The following PPP2R3B variants were observed in gnomAD, a reference collection of about 807,000 sequenced individuals.
PPP2R3B encodes serine/threonine-protein phosphatase 2A regulatory subunit B'' subunit beta.
Under a neutral mutation model 72.9 loss-of-function variants are expected in PPP2R3B, and 68 were observed. The observed-to-expected ratio is 0.93, with a 90% confidence interval of 0.77 to 1.14. PPP2R3B has a LOEUF of 1.14. PPP2R3B is among the 50% of genes most tolerant of loss of function. The pLI is 0.00. For missense variants in PPP2R3B, 1,018 were observed against 842.0 expected (o/e 1.21, Z -2.59); for synonymous variants, 466 against 375.8 (o/e 1.24, Z -2.78).
In PPP2R3B at chrX:386,643, C is replaced by T; in HGVS notation, c.49G>A (p.Glu17Lys). 1 of 1,421,928 alleles carries T rather than the reference C, an allele frequency of 7.0e-7. No individual in the cohort carries two copies. Among genetic ancestry groups the T allele is most frequent in the Non-Finnish European group, 9.2e-7 (1 of 1,087,928 alleles). 88.1% of individuals were successfully genotyped at this position (1,421,928 alleles called of 1,614,324 possible). A position where few individuals can be genotyped will look rare whatever the true frequency, so the allele number is the denominator to read the frequency against. The change falls in exon 1 of 13, where the codon GAG becomes AAG. Residue 17 changes from glutamate (E) to lysine (K), a missense_variant. By Grantham distance (56) the Glu-to-Lys change is moderately conservative (BLOSUM62 1). Transcript: ENST00000390665. ...LQPVLKMKVD[E>K]LFLYWLSEAS... is the part of the protein sequence containing the mutation. ...TCGCTGAGCCAGTACAGGAACAGCT[C>T]GTCCACCTTCATCTTCAGGACCGGC...
At chrX:364,549 CAA>C (rs1266748032) in intron 1 of PPP2R3B, among the ~76,000 whole-genome samples, 3 of 134,112 alleles carry the variant, frequency 2.2e-5, no homozygotes, top group Non-Finnish European at 5.0e-5. Context: ...AAACAAAAAA[CAA>C]AAAGAGTATA....
chrX:363,682 C>T (rs763880655), intron 1 of PPP2R3B, among the ~76,000 whole-genome samples: 33 of 146,108 alleles, frequency 2.3e-4, no homozygotes, highest in African/African-American at 7.9e-4. Flanking sequence ...TGCATCTCCC[C>T]AAGCCCGCGA....
intron 1 of PPP2R3B, among the ~76,000 whole-genome samples, chrX:363,637 C>T (rs2071608173): frequency 1.4e-5 from 2 of 142,046 alleles, no homozygotes; most frequent in Admixed American, 1.4e-4. Flanking sequence ...AGCCCACCAT[C>T]CCACAGTCAT....
chrX:379,597 G>A (rs1486955619), intron 1 of PPP2R3B, among the ~76,000 whole-genome samples: 1 of 152,258 alleles, frequency 6.6e-6, no homozygotes, highest in Non-Finnish European at 1.5e-5. Flanking sequence ...CACCAAAACT[G>A]AGTAGCTTCC....
intron 8 of PPP2R3B, 107 bp from the exon 9 acceptor site, chrX:341,503 G>A (rs753091433): frequency 2.1e-5 from 25 of 1,165,350 alleles, no homozygotes; most frequent in Non-Finnish European, 3.1e-5. Flanking sequence ...CCCGGGCCCG[G>A]CCCTCCTCCT....
At chrX:342,086 C>A (rs1342436689) in intron 7 of PPP2R3B, 155 bp from the exon 8 acceptor site, 1 of 808,960 alleles carries the variant, frequency 1.2e-6, no homozygotes, top group Non-Finnish European at 2.1e-6. Flanking sequence ...CTGCACGGCC[C>A]ATCCTAGGGG....
Position 334,041 on chromosome X carries a change from C to G in PPP2R3B, c.*326G>C, listed in dbSNP as rs2070815380. 7.6e-6 allele frequency: 2 copies of G among 262,004 alleles called. No homozygotes were observed. The highest frequency in any genetic ancestry group is 1.4e-5 in the Non-Finnish European group (2 of 139,538). The allele number at this position is 262,004 out of a possible 1,614,324, so 16.2% of individuals were successfully genotyped here. Reference sequence around the variant, plus strand: ...TGTCCAGGACTGAGGCGCCCGGGAGCCGCCGGTCACCGTTGTGCGCACACG... The same window carrying G: ...TGTCCAGGACTGAGGCGCCCGGGAGGCGCCGGTCACCGTTGTGCGCACACG... On this transcript the variant is annotated 3_prime_UTR_variant, in exon 13 of 13. Coordinates refer to ENST00000390665, the MANE Select transcript of PPP2R3B (RefSeq NM_013239.5).
rs1022098776 is a variant in PPP2R3B at position 350,353 on chromosome X, C to T, written c.511-2660G>A. On this transcript the variant is annotated intron_variant, in intron 2 of 12. Transcript: ENST00000390665. ...GCCAAGGTTTCTTTCACGGGCCACA[C>T]GTGCGCTCCCTGAAGGAAGGGAGCA... Among the ~76,000 whole-genome samples the T allele has an allele frequency of 3.3e-4, 50 of 152,326 alleles. 1 individual carries two copies. The highest frequency in any genetic ancestry group is 6.2e-4 in the South Asian group (3 of 4,820).
intron 1 of PPP2R3B, among the ~76,000 whole-genome samples, chrX:367,113 G>C (rs1025566168): frequency 6.6e-6 from 1 of 152,128 alleles, no homozygotes; most frequent in Non-Finnish European, 1.5e-5. Context: ...ACTCTACGGG[G>C]CAAAAGCTGA....
rs1163831748 is a variant in PPP2R3B at position 361,159 on chromosome X, G to T, written c.510+246C>A. On this transcript the variant is annotated intron_variant, in intron 2 of 12. Coordinates refer to ENST00000390665, the MANE Select transcript of PPP2R3B (RefSeq NM_013239.5). ...CAGCATCAGGATGAGAATGCAGACG[G>T]AATTCCCACTCGCATTTCAGATGCT... Among the ~76,000 whole-genome samples the T allele has an allele frequency of 3.9e-5, 6 of 152,332 alleles. No homozygotes were observed. The East Asian group carries it at 1.2e-3, about 29-fold the overall frequency.
At chrX:338,551 T>G (rs1180189953) in intron 12 of PPP2R3B, 53 bp downstream of exon 12, 1 of 1,196,942 alleles carries the variant, frequency 8.4e-7, no homozygotes, top group Non-Finnish European at 1.1e-6. Flanking sequence ...TCCTCCCCAC[T>G]CACCCGTCCT....
At chrX:347,507 AG>A (rs1374388088) in intron 3 of PPP2R3B, 82 bp downstream of exon 3, 2 of 1,446,104 alleles carry the variant, frequency 1.4e-6, no homozygotes, top group East Asian at 4.9e-5. Flanking sequence ...CGGCAGCCTC[AG>A]GGGGCACCCG....
intron 5 of PPP2R3B, 183 bp downstream of exon 5, chrX:346,518 A>C: frequency 1.5e-6 from 1 of 659,878 alleles, no homozygotes; most frequent in East Asian, 2.9e-5. Context: ...ACCCCGGAAA[A>C]CCAGAGTCCC....
chrX:336,250 C>G (rs6603201), intron 12 of PPP2R3B: 4 of 151,998 alleles, frequency 2.6e-5, no homozygotes, highest in Non-Finnish European at 4.4e-5. Context: ...TCGGCAAGAT[C>G]TATCCTGGGA....
intron 12 of PPP2R3B, 129 bp from the exon 13 acceptor site, chrX:334,646 C>G: frequency 9.0e-7 from 1 of 1,110,902 alleles, no homozygotes; most frequent in Non-Finnish European, 1.2e-6. Flanking sequence ...ACCTTGAGCT[C>G]CAGCCGCTGA....
At chrX:372,774 A>G (rs1265886355) in intron 1 of PPP2R3B, among the ~76,000 whole-genome samples, 1 of 152,174 alleles carries the variant, frequency 6.6e-6, no homozygotes, top group Admixed American at 6.5e-5. Flanking sequence ...CCTGGCCAAC[A>G]TGGTGAAACC....
chrX:338,288 G>A (rs2070944386), intron 12 of PPP2R3B: 1 of 523,846 alleles, frequency 1.9e-6, no homozygotes. Context: ...CGTGGGATAA[G>A]GACAGACGTC....
intron 1 of PPP2R3B, among the ~76,000 whole-genome samples, chrX:369,016 G>C (rs1357844551): frequency 2.6e-5 from 4 of 152,184 alleles, no homozygotes; most frequent in Non-Finnish European, 5.9e-5. Context: ...AATAGACTCG[G>C]CCCCAGCACA....
At chrX:361,064 G>A (rs5945449) in intron 2 of PPP2R3B, among the ~76,000 whole-genome samples, 22,040 of 152,148 alleles carry the variant, frequency 0.14, 1,918 homozygotes, top group Admixed American at 0.23. Flanking sequence ...CGAGAGCCAC[G>A]AGAGCTGGCG....
Sources: gnomAD v4.1 joint callset for allele counts (sites outside exome capture counted in the v4.1 genomes callset) on GRCh38, gnomAD v4.1.1 for gene constraint, MANE v1.5 for transcripts, NCBI Gene and HGNC (gene_info 2026-07-23, HGNC 2026-07-21) for gene names.